The following ARHGAP24 variants were observed in gnomAD, a reference collection of about 807,000 sequenced individuals.
The protein encoded by ARHGAP24 is rho GTPase-activating protein 24.
ARHGAP24 carries 50 observed loss-of-function variants against 76.4 expected under a neutral mutation model. That is an observed-to-expected ratio of 0.65 (90% confidence interval 0.52 to 0.83). The LOEUF is 0.83. Ranked by LOEUF, ARHGAP24 falls within the 40% of genes least tolerant of loss-of-function variation. The pLI, the probability that ARHGAP24 is intolerant of heterozygous loss-of-function variation, is 0.00. For synonymous variants in ARHGAP24, 345 were observed against 323.3 expected, an observed-to-expected ratio of 1.07 and a Z score of -0.72; for missense variants, 930 against 914.2, an observed-to-expected ratio of 1.02 and a Z score of -0.22.
chr4:85,670,341 T>G (rs1301179227), intron 2 of ARHGAP24, among the ~76,000 whole-genome samples: 1 of 152,224 alleles, frequency 6.6e-6, no homozygotes, highest in African/African-American at 2.4e-5. Context: ...TTGCCCATAG[T>G]GTTTGGAACT....
intron 1 of ARHGAP24, among the ~76,000 whole-genome samples, chr4:85,535,404 G>A (rs1000982857): frequency 6.6e-6 from 1 of 152,142 alleles, no homozygotes; most frequent in Non-Finnish European, 1.5e-5. Flanking sequence ...TAAGAATGTA[G>A]AAGTTGGCAC....
At chr4:85,754,451 A>G (rs1398557021) in intron 3 of ARHGAP24, among the ~76,000 whole-genome samples, 1 of 152,222 alleles carries the variant, frequency 6.6e-6, no homozygotes, top group Non-Finnish European at 1.5e-5. Flanking sequence ...TTGACAATGC[A>G]CAGCAGATTT....
chr4:85,778,924 A>G, intron 3 of ARHGAP24: 2 of 985,456 alleles, frequency 2.0e-6, no homozygotes, highest in Non-Finnish European at 2.4e-6. Context: ...AAGAGTCGGC[A>G]CTGGGAACAG....
At chr4:85,575,644 G>A (rs972217842) in intron 2 of ARHGAP24, among the ~76,000 whole-genome samples, 1 of 152,128 alleles carries the variant, frequency 6.6e-6, no homozygotes, top group Non-Finnish European at 1.5e-5. Flanking sequence ...ATAACATGGG[G>A]GGAGCAGCCA....
chr4:86,000,900 C>T lies in ARHGAP24; in HGVS notation c.*178C>T. On this transcript the variant is annotated 3_prime_UTR_variant, in exon 10 of 10. Coordinates refer to ENST00000395184, the MANE Select transcript of ARHGAP24 (RefSeq NM_001025616.3). Reference sequence around the variant, plus strand: ...CAATGTGTACCAAAGTTATATCATGCCCCATAATGCTACTGTCAAGTGTTA... The same window carrying T: ...CAATGTGTACCAAAGTTATATCATGTCCCATAATGCTACTGTCAAGTGTTA... 1.1e-6 allele frequency: 1 copy of T among 871,512 alleles called. No homozygotes were observed. The highest frequency in any genetic ancestry group is 1.7e-6 in the Non-Finnish European group (1 of 575,906). The allele number at this position is 871,512 out of a possible 1,614,324, so 54.0% of individuals were successfully genotyped here. A position where few individuals can be genotyped will look rare whatever the true frequency, so the allele number is the denominator to read the frequency against.
intron 3 of ARHGAP24, among the ~76,000 whole-genome samples, chr4:85,911,962 C>G (rs1480802600): frequency 6.6e-6 from 1 of 152,114 alleles, no homozygotes; most frequent in African/African-American, 2.4e-5. Context: ...GGCCTCCACT[C>G]CTTTTGTAGG....
At chr4:85,691,016 C>T (rs764223395) in intron 2 of ARHGAP24, among the ~76,000 whole-genome samples, 14 of 151,944 alleles carry the variant, frequency 9.2e-5, no homozygotes, top group Admixed American at 2.0e-4. Context: ...CTGCTTTCAT[C>T]GCATCCCAGA....
intron 2 of ARHGAP24, among the ~76,000 whole-genome samples, chr4:85,615,870 A>T (rs1417133102): frequency 1.3e-5 from 2 of 152,164 alleles, no homozygotes; most frequent in African/African-American, 4.8e-5. Flanking sequence ...GTGGGTGTAA[A>T]CTCTGCAAAA....
At chr4:85,477,118 TA>T (rs1276647473) in intron 1 of ARHGAP24, among the ~76,000 whole-genome samples, 2 of 152,190 alleles carry the variant, frequency 1.3e-5, no homozygotes, top group African/African-American at 2.4e-5. Flanking sequence ...GGATAAGAGA[TA>T]AACTGAGTTT....
At chr4:85,785,008 T>C (rs1336357407) in intron 3 of ARHGAP24, among the ~76,000 whole-genome samples, 2 of 152,028 alleles carry the variant, frequency 1.3e-5, no homozygotes, top group Non-Finnish European at 2.9e-5. Flanking sequence ...CACATAAATA[T>C]AGATAGATAT....
intron 2 of ARHGAP24, among the ~76,000 whole-genome samples, chr4:85,690,254 A>C (rs1169808133): frequency 6.6e-6 from 1 of 152,034 alleles, no homozygotes; most frequent in African/African-American, 2.4e-5. Flanking sequence ...TATTTATCAG[A>C]AATAAAAGAA....
chr4:85,660,794 C>CAAAAAAAAA (rs34228407), intron 2 of ARHGAP24, among the ~76,000 whole-genome samples: 3,673 of 59,296 alleles, frequency 0.062, 865 homozygotes, highest in African/African-American at 0.084. Flanking sequence ...GACTCCGTCT[C>CAAAAAAAAA]AAAAAAAAAA....
At chr4:85,621,928 A>C (rs1047005325) in intron 2 of ARHGAP24, among the ~76,000 whole-genome samples, 29 of 152,002 alleles carry the variant, frequency 1.9e-4, no homozygotes, top group African/African-American at 6.5e-4. Flanking sequence ...ATCAATCTTG[A>C]GTTAATTTTT....
At chr4:85,625,964 C>A (rs1374589415) in intron 2 of ARHGAP24, among the ~76,000 whole-genome samples, 1 of 152,204 alleles carries the variant, frequency 6.6e-6, no homozygotes, top group African/African-American at 2.4e-5. Flanking sequence ...CTATGTGTGT[C>A]TCTGCACGTG....
intron 1 of ARHGAP24, among the ~76,000 whole-genome samples, chr4:85,562,166 G>A (rs575854441): frequency 6.6e-6 from 1 of 152,220 alleles, no homozygotes; most frequent in Admixed American, 6.5e-5. Flanking sequence ...TTAGAATGGT[G>A]GTAACATGAC....
chr4:85,846,558 A>C (rs1730897083), intron 3 of ARHGAP24, among the ~76,000 whole-genome samples: 1 of 152,220 alleles, frequency 6.6e-6, no homozygotes, highest in Admixed American at 6.5e-5. Flanking sequence ...TTTCTGTTGG[A>C]TAAAACTATA....
intron 3 of ARHGAP24, among the ~76,000 whole-genome samples, chr4:85,898,103 C>T (rs1429656816): frequency 6.7e-6 from 1 of 148,212 alleles, no homozygotes; most frequent in African/African-American, 2.5e-5. Flanking sequence ...GGAGGGGAGA[C>T]TTTGGAAGGT....
At chr4:85,830,112 A>C (rs1560656859) in intron 3 of ARHGAP24, among the ~76,000 whole-genome samples, 1 of 152,254 alleles carries the variant, frequency 6.6e-6, no homozygotes, top group Non-Finnish European at 1.5e-5. Context: ...TAAAATGCTT[A>C]AACTCCCTAA....
chr4:85,789,220 T>TAAAAA (rs35635619), intron 3 of ARHGAP24, among the ~76,000 whole-genome samples: 1 of 128,362 alleles, frequency 7.8e-6, no homozygotes, highest in Admixed American at 7.9e-5. Context: ...GAACCTCCAT[T>TAAAAA]AAAAAAAAAA....
Sources: gnomAD v4.1 joint callset for allele counts (sites outside exome capture counted in the v4.1 genomes callset) on GRCh38, gnomAD v4.1.1 for gene constraint, MANE v1.5 for transcripts, NCBI Gene and HGNC (gene_info 2026-07-23, HGNC 2026-07-21) for gene names.